Variants in CRPPA observed in about 807,000 individuals in gnomAD.
The protein encoded by CRPPA is CDP-L-ribitol pyrophosphorylase A.
In CRPPA, 43 loss-of-function variants were observed where a neutral mutation model predicts 52.0. The observed-to-expected ratio is 0.83, with a 90% CI of 0.65 to 1.07. The LOEUF (loss-of-function observed/expected upper bound fraction) is 1.07. CRPPA is among the 50% of genes least tolerant of loss of function. The pLI, the probability that CRPPA is intolerant of heterozygous loss-of-function variation, is 0.00. For synonymous variants in CRPPA, 250 were observed against 203.5 expected (o/e 1.23, Z -1.94); for missense variants, 629 against 551.7 (o/e 1.14, Z -1.40).
At chr7:16,349,392 A>G (rs1411659461) in intron 3 of CRPPA, among the ~76,000 whole-genome samples, 1 of 152,222 alleles carries the variant, frequency 6.6e-6, no homozygotes, top group African/African-American at 2.4e-5. Context: ...CAACAGTGTC[A>G]AAGAAAATGA....
chr7:16,123,445 A>G (rs1394442631), intron 9 of CRPPA, among the ~76,000 whole-genome samples: 1 of 152,150 alleles, frequency 6.6e-6, no homozygotes, highest in Non-Finnish European at 1.5e-5. Flanking sequence ...GTCAGGAAAC[A>G]AAATCCAAAA....
intron 3 of CRPPA, among the ~76,000 whole-genome samples, chr7:16,317,310 T>C (rs1785163692): frequency 1.3e-5 from 2 of 152,210 alleles, no homozygotes; most frequent in Admixed American, 6.5e-5. Flanking sequence ...ACATCTGATG[T>C]ACCTGGTATA....
intron 3 of CRPPA, among the ~76,000 whole-genome samples, chr7:16,357,392 T>C (rs144872263): frequency 6.6e-6 from 1 of 152,096 alleles, no homozygotes; most frequent in Non-Finnish European, 1.5e-5. Context: ...TTGGCCAATC[T>C]GGTCTCAAAC....
At position 16,278,243 on chromosome 7, in the gene CRPPA, A is replaced by G; in HGVS notation, c.836-17T>C. ...AAATTCTCTCTGAAATTAAAAAAAA[A>G]AAGTTTTAAGTTTCAAACAAAACAT... On this transcript the variant is annotated splice_polypyrimidine_tract_variant and intron_variant, in intron 5 of 9. Coordinates refer to ENST00000407010, the MANE Select transcript of CRPPA (RefSeq NM_001101426.4). 1 of 1,390,618 alleles carries G rather than the reference A, an allele frequency of 7.2e-7. No individual in the cohort carries two copies. The highest frequency in any genetic ancestry group is 2.3e-5 in the East Asian group (1 of 43,294). The allele number at this position is 1,390,618 out of a possible 1,614,324, so 86.1% of individuals were successfully genotyped here.
intron 8 of CRPPA, among the ~76,000 whole-genome samples, chr7:16,231,014 A>T (rs903735982): frequency 2.6e-5 from 4 of 152,168 alleles, no homozygotes; most frequent in African/African-American, 9.7e-5. Context: ...GCTGGTCTAG[A>T]GGCTCAGTCT....
At chr7:16,202,723 A>G (rs2128393978) in intron 9 of CRPPA, among the ~76,000 whole-genome samples, 1 of 152,346 alleles carries the variant, frequency 6.6e-6, no homozygotes, top group African/African-American at 2.4e-5. Flanking sequence ...CTGGAAAGAC[A>G]CGAATGTGAT....
intron 1 of CRPPA, among the ~76,000 whole-genome samples, chr7:16,420,385 A>G (rs1788296786): frequency 6.6e-6 from 1 of 151,948 alleles, no homozygotes; most frequent in Non-Finnish European, 1.5e-5. Flanking sequence ...ATTATAACAT[A>G]CCCCTTCATT....
intron 9 of CRPPA, among the ~76,000 whole-genome samples, chr7:16,172,465 A>G (rs1465409164): frequency 6.6e-6 from 1 of 152,220 alleles, no homozygotes; most frequent in Non-Finnish European, 1.5e-5. Context: ...TTACAGTCCA[A>G]TCAGCCAAGA....
intron 3 of CRPPA, among the ~76,000 whole-genome samples, chr7:16,310,056 A>G (rs1785000171): frequency 6.6e-6 from 1 of 152,208 alleles, no homozygotes; most frequent in African/African-American, 2.4e-5. Flanking sequence ...GAACAGGTGG[A>G]ACAAATACAA....
At chr7:16,196,139 CTT>C (rs1781729150) in intron 9 of CRPPA, among the ~76,000 whole-genome samples, 1 of 152,046 alleles carries the variant, frequency 6.6e-6, no homozygotes, top group Non-Finnish European at 1.5e-5. Context: ...TATATGTTGT[CTT>C]TTTTACTTTA....
chr7:16,402,096 TAAAA>T (rs1787830213), intron 2 of CRPPA, among the ~76,000 whole-genome samples: 5 of 151,650 alleles, frequency 3.3e-5, no homozygotes, highest in African/African-American at 1.2e-4. Flanking sequence ...CTAAGACCCA[TAAAA>T]GGGAAAGTCC....
intron 9 of CRPPA, among the ~76,000 whole-genome samples, chr7:16,145,123 AT>A: frequency 6.6e-6 from 1 of 152,346 alleles, no homozygotes; most frequent in Middle Eastern, 3.4e-3. Flanking sequence ...CTGAAGCAGC[AT>A]AGTGACCTAG....
At chr7:16,248,521 T>C (rs1036241074) in intron 8 of CRPPA, among the ~76,000 whole-genome samples, 3 of 152,170 alleles carry the variant, frequency 2.0e-5, no homozygotes, top group African/African-American at 7.2e-5. Flanking sequence ...CTGTGATATA[T>C]CTGATAGGCT....
intron 2 of CRPPA, among the ~76,000 whole-genome samples, chr7:16,383,110 C>T (rs1245840794): frequency 6.6e-6 from 1 of 152,110 alleles, no homozygotes. Context: ...GTTTTTTCCC[C>T]ATCTTTGTGG....
At chr7:16,358,121 C>G (rs554481526) in intron 3 of CRPPA, among the ~76,000 whole-genome samples, 1 of 152,270 alleles carries the variant, frequency 6.6e-6, no homozygotes, top group South Asian at 2.1e-4. Flanking sequence ...CAGGCAGAAG[C>G]TGGCAGGCAG....
At chr7:16,103,822 C>T (rs540416601) in intron 9 of CRPPA, among the ~76,000 whole-genome samples, 1 of 152,150 alleles carries the variant, frequency 6.6e-6, no homozygotes. Flanking sequence ...CCTAGAGTTA[C>T]TTCTCTAGTT....
intron 9 of CRPPA, among the ~76,000 whole-genome samples, chr7:16,190,869 G>C (rs965845254): frequency 6.6e-6 from 1 of 151,924 alleles, no homozygotes; most frequent in African/African-American, 2.4e-5. Flanking sequence ...ATGACGTTTG[G>C]TTTTCCACTC....
chr7:16,342,774 A>T (rs371513592), intron 3 of CRPPA, among the ~76,000 whole-genome samples: 20,177 of 51,782 alleles, frequency 0.39, 4,092 homozygotes, highest in South Asian at 0.65. Context: ...AAAAAAAAAA[A>T]AAAAAAAAAT....
chr7:16,217,263 A>G (rs1345824465), intron 8 of CRPPA, among the ~76,000 whole-genome samples: 1 of 150,108 alleles, frequency 6.7e-6, no homozygotes, highest in Non-Finnish European at 1.5e-5. Context: ...ACAAACAGAA[A>G]GGACATCCAC....
Sources: allele counts gnomAD v4.1 joint callset (sites outside exome capture counted in the v4.1 genomes callset), GRCh38; gene constraint gnomAD v4.1.1; transcripts MANE v1.5; gene names NCBI Gene and HGNC (gene_info 2026-07-23, HGNC 2026-07-21).